Variants in STAG1 observed in about 807,000 individuals in gnomAD.
STAG1 encodes the protein STAG1 cohesin complex component.
In STAG1, 26 loss-of-function variants were observed where a neutral mutation model predicts 170.9. The ratio of observed to expected loss-of-function variants is 0.15; its 90% CI spans 0.11 to 0.21. STAG1 has a LOEUF of 0.21. Among genes scored for constraint, STAG1 ranks in the 10% least tolerant of loss-of-function variants. The pLI, the probability that STAG1 is intolerant of heterozygous loss-of-function variation, is 1.00. For synonymous variants in STAG1, 514 were observed against 497.7 expected, an observed-to-expected ratio of 1.03 and a Z score of -0.44; for missense variants, 964 against 1,509.5, an observed-to-expected ratio of 0.64 and a Z score of 5.99.
chr3:136,454,465 G>A (rs1164981146), intron 13 of STAG1, among the ~76,000 whole-genome samples: 5 of 151,902 alleles, frequency 3.3e-5, no homozygotes, highest in Admixed American at 6.6e-5. Flanking sequence ...TGCAACCTCC[G>A]CCTCCTGGGC....
chr3:136,473,194 G>A (rs1364035008), intron 11 of STAG1, among the ~76,000 whole-genome samples: 2 of 152,100 alleles, frequency 1.3e-5, no homozygotes, highest in Non-Finnish European at 2.9e-5. Flanking sequence ...ACCCCTAGAT[G>A]GGAACATCTA....
At chr3:136,749,526 T>C (rs992825287) in intron 1 of STAG1, among the ~76,000 whole-genome samples, 2 of 152,048 alleles carry the variant, frequency 1.3e-5, no homozygotes, top group Non-Finnish European at 2.9e-5. Context: ...GGTGGGCAGA[T>C]CACGAGGTGA....
At chr3:136,728,033 G>A (rs944293110) in intron 1 of STAG1, among the ~76,000 whole-genome samples, 5 of 151,862 alleles carry the variant, frequency 3.3e-5, no homozygotes, top group Admixed American at 1.3e-4. Context: ...GTGGTGGGCA[G>A]CTGTAATCCC....
At chr3:136,555,413 G>C (rs1408830394) in intron 5 of STAG1, among the ~76,000 whole-genome samples, 3 of 151,678 alleles carry the variant, frequency 2.0e-5, no homozygotes, top group Admixed American at 6.6e-5. Context: ...ACTGGGCACA[G>C]TGGCTCAAGC....
At chr3:136,722,844 A>G (rs1464313237) in intron 1 of STAG1, among the ~76,000 whole-genome samples, 1 of 151,962 alleles carries the variant, frequency 6.6e-6, no homozygotes, top group African/African-American at 2.4e-5. Flanking sequence ...GGCGCGCGCC[A>G]CCACGCCTGA....
chr3:136,632,872 T>TG (rs1195710624), intron 1 of STAG1, among the ~76,000 whole-genome samples: 2 of 152,104 alleles, frequency 1.3e-5, no homozygotes, highest in Admixed American at 1.3e-4. Context: ...AGAACCTATC[T>TG]GCAAATACCC....
chr3:136,583,702 T>C (rs1008650668), intron 4 of STAG1, among the ~76,000 whole-genome samples: 2 of 152,094 alleles, frequency 1.3e-5, no homozygotes, highest in Admixed American at 6.5e-5. Flanking sequence ...GGCACAACAA[T>C]TGCTTAAACC....
chr3:136,651,516 T>C (rs1165562206), intron 1 of STAG1, among the ~76,000 whole-genome samples: 1 of 152,096 alleles, frequency 6.6e-6, no homozygotes, highest in African/African-American at 2.4e-5. Flanking sequence ...AGTAAATATT[T>C]ACAAGTTAGT....
At chr3:136,664,833 C>A (rs1941699652) in intron 1 of STAG1, among the ~76,000 whole-genome samples, 1 of 152,208 alleles carries the variant, frequency 6.6e-6, no homozygotes, top group Non-Finnish European at 1.5e-5. Flanking sequence ...CCAACTTAAT[C>A]CTCCTTTCAT....
chr3:136,418,737 G>A (rs2087857291), intron 20 of STAG1, among the ~76,000 whole-genome samples: 1 of 151,906 alleles, frequency 6.6e-6, no homozygotes, highest in South Asian at 2.1e-4. Context: ...CGCCTCCCGG[G>A]TTCAAGAGAT....
At chr3:136,420,669 T>C (rs1223992188) in intron 20 of STAG1, among the ~76,000 whole-genome samples, 1 of 152,204 alleles carries the variant, frequency 6.6e-6, no homozygotes, top group Admixed American at 6.5e-5. Flanking sequence ...CATGGGCCAG[T>C]GTCATGATCA....
At chr3:136,425,084 C>T (rs1046395779) in intron 16 of STAG1, among the ~76,000 whole-genome samples, 1 of 152,070 alleles carries the variant, frequency 6.6e-6, no homozygotes, top group Admixed American at 6.6e-5. Context: ...GTGATCTGCC[C>T]GCCCCGGCCT....
chr3:136,439,194 C>CAAA (rs1163622178), intron 15 of STAG1, among the ~76,000 whole-genome samples: 9 of 63,586 alleles, frequency 1.4e-4, no homozygotes, highest in African/African-American at 4.0e-4. Context: ...GACCCAGACT[C>CAAA]AAAAAAAAAA....
chr3:136,477,467 T>G (rs2089781434), intron 9 of STAG1, 55 bp from the exon 10 acceptor site: 2 of 1,450,900 alleles, frequency 1.4e-6, no homozygotes, highest in Admixed American at 4.3e-5. Flanking sequence ...TAGAATGCAT[T>G]CATACTCGCT....
intron 12 of STAG1, among the ~76,000 whole-genome samples, chr3:136,465,533 G>C (rs570925502): frequency 7.6e-5 from 9 of 118,416 alleles, no homozygotes; most frequent in African/African-American, 2.9e-4. Context: ...CTTCTAGTCT[G>C]TGGGACAGAG....
At chr3:136,349,105 T>A in intron 29 of STAG1, 53 bp downstream of exon 29, 1 of 1,295,250 alleles carries the variant, frequency 7.7e-7, no homozygotes, top group Non-Finnish European at 1.1e-6. Context: ...ATTTACTACT[T>A]TATCTCTTTA....
chr3:136,709,407 G>C (rs1037745683), intron 1 of STAG1, among the ~76,000 whole-genome samples: 2 of 152,114 alleles, frequency 1.3e-5, no homozygotes, highest in Admixed American at 1.3e-4. Context: ...CATTTACATA[G>C]AAGAACTCCA....
At chr3:136,517,085 A>C (rs571270074) in intron 7 of STAG1, among the ~76,000 whole-genome samples, 8 of 152,324 alleles carry the variant, frequency 5.3e-5, no homozygotes, top group African/African-American at 1.7e-4. Flanking sequence ...AAGAAAAGTT[A>C]ATCAATAATG....
chr3:136,448,051 T>C (rs1456937737), intron 14 of STAG1, among the ~76,000 whole-genome samples: 1 of 152,178 alleles, frequency 6.6e-6, no homozygotes, highest in Non-Finnish European at 1.5e-5. Context: ...CTGAAATCAA[T>C]GACTGTCACA....
Sources: allele counts gnomAD v4.1 joint callset (sites outside exome capture counted in the v4.1 genomes callset), GRCh38; gene constraint gnomAD v4.1.1; transcripts MANE v1.5; gene names NCBI Gene and HGNC (gene_info 2026-07-23, HGNC 2026-07-21).